MAN1A1: variants seen among roughly 807,000 people sequenced by gnomAD.
MAN1A1 encodes the protein mannosidase alpha class 1A member 1.
MAN1A1 carries 29 observed loss-of-function variants against 70.8 expected under a neutral mutation model. That is an observed-to-expected ratio of 0.41 (90% confidence interval 0.31 to 0.56). The LOEUF (loss-of-function observed/expected upper bound fraction) is 0.56. Among genes scored for constraint, MAN1A1 ranks in the 20% least tolerant of loss-of-function variants. MAN1A1 has a pLI of 0.29. For missense variants in MAN1A1, 747 were observed against 841.3 expected (o/e 0.89, Z 1.39); for synonymous variants, 349 against 330.1 (o/e 1.06, Z -0.62).
intron 8 of MAN1A1, among the ~76,000 whole-genome samples, chr6:119,197,139 T>C (rs982892876): frequency 5.3e-5 from 8 of 151,926 alleles, no homozygotes; most frequent in East Asian, 3.9e-4. Flanking sequence ...TGAAAACTCA[T>C]CTCTACTAAA....
At chr6:119,181,416 G>A (rs1773150417) in intron 11 of MAN1A1, among the ~76,000 whole-genome samples, 1 of 151,104 alleles carries the variant, frequency 6.6e-6, no homozygotes, top group Non-Finnish European at 1.5e-5. Flanking sequence ...AAGACAGTGA[G>A]AGACATGTGG....
upstream of MAN1A1, among the ~76,000 whole-genome samples, chr6:119,350,149 C>G (rs1413889459): frequency 1.3e-5 from 2 of 152,170 alleles, no homozygotes; most frequent in African/African-American, 4.8e-5. Flanking sequence ...CGCGGGACCT[C>G]TCTGCCTCCT....
At chr6:119,189,472 A>T (rs1040867378) in intron 10 of MAN1A1, among the ~76,000 whole-genome samples, 192 bp downstream of exon 10, 10 of 152,220 alleles carry the variant, frequency 6.6e-5, no homozygotes. Context: ...TTTCTTGGTA[A>T]ACTAAAGGTA....
At chr6:119,324,909 G>A (rs1473904121) in intron 2 of MAN1A1, among the ~76,000 whole-genome samples, 1 of 152,106 alleles carries the variant, frequency 6.6e-6, no homozygotes, top group Non-Finnish European at 1.5e-5. Flanking sequence ...TGGACGCAGA[G>A]TGGTGTCCCT....
At position 119,341,644 on chromosome 6, in the gene MAN1A1, T is replaced by C. The variant is rs148434291; in HGVS notation, c.603+6819A>G. 6.3e-3 allele frequency among the ~76,000 whole-genome samples: 962 copies of C among 152,320 alleles called. 6 individuals are homozygous for C. The highest frequency in any genetic ancestry group is 0.022 in the African/African-American group (911 of 41,550). On this transcript the variant is annotated intron_variant, in intron 2 of 12. Transcript: ENST00000368468. ...AAAATAAAACTGATTTATGCTAACTTTGACTACTAAGTGATGGACTGAGCT... is the reference window on the plus strand; with the variant it reads ...AAAATAAAACTGATTTATGCTAACTCTGACTACTAAGTGATGGACTGAGCT...
intron 2 of MAN1A1, among the ~76,000 whole-genome samples, chr6:119,315,388 A>T (rs1772820972): frequency 6.6e-6 from 1 of 152,252 alleles, no homozygotes; most frequent in Non-Finnish European, 1.5e-5. Flanking sequence ...CAGTTTTAAA[A>T]AATGAGAATT....
intron 6 of MAN1A1, among the ~76,000 whole-genome samples, chr6:119,235,051 T>C (rs1283764402): frequency 5.3e-5 from 8 of 152,188 alleles, no homozygotes; most frequent in Non-Finnish European, 7.3e-5. Flanking sequence ...CTTGTAAGCA[T>C]GTGTGTTCTG....
At chr6:119,187,970 T>C (rs1248607134) in intron 11 of MAN1A1, among the ~76,000 whole-genome samples, 1 of 152,366 alleles carries the variant, frequency 6.6e-6, no homozygotes, top group African/African-American at 2.4e-5. Context: ...AAGTGCTTTC[T>C]AAAAGTTAGA....
intron 6 of MAN1A1, among the ~76,000 whole-genome samples, chr6:119,243,265 A>G (rs1775061290): frequency 6.6e-6 from 1 of 152,014 alleles, no homozygotes; most frequent in African/African-American, 2.4e-5. Flanking sequence ...TTGTTTATTG[A>G]TATTTTCATA....
intron 5 of MAN1A1, among the ~76,000 whole-genome samples, chr6:119,266,090 C>T (rs1024419233): frequency 1.3e-5 from 2 of 151,880 alleles, no homozygotes; most frequent in African/African-American, 4.8e-5. Context: ...AAGAAAACTA[C>T]AAAATTCTGA....
chr6:119,321,768 C>T (rs567020268), intron 2 of MAN1A1, among the ~76,000 whole-genome samples: 9 of 152,122 alleles, frequency 5.9e-5, no homozygotes, highest in African/African-American at 2.2e-4. Context: ...CAGGCATGTA[C>T]CACCATGCCT....
intron 5 of MAN1A1, among the ~76,000 whole-genome samples, chr6:119,273,286 C>T (rs189744219): frequency 1.3e-3 from 192 of 152,170 alleles, no homozygotes; most frequent in African/African-American, 3.9e-3. Context: ...ACATACCAAC[C>T]GGAAGCAAAT....
At chr6:119,306,607 T>G (rs918037247) in intron 3 of MAN1A1, among the ~76,000 whole-genome samples, 1 of 152,164 alleles carries the variant, frequency 6.6e-6, no homozygotes, top group Non-Finnish European at 1.5e-5. Flanking sequence ...AGGCTAAAAT[T>G]TATGATACTG....
intron 4 of MAN1A1, among the ~76,000 whole-genome samples, chr6:119,299,200 TA>T (rs1161475826): frequency 1.3e-5 from 2 of 152,100 alleles, no homozygotes; most frequent in Admixed American, 6.5e-5. Context: ...TAGAATACAG[TA>T]AGCTGGAAAA....
chr6:119,321,617 A>ATT (rs386359347), intron 2 of MAN1A1, among the ~76,000 whole-genome samples: 48,662 of 133,166 alleles, frequency 0.37, 9,572 homozygotes, highest in Non-Finnish European at 0.41. Context: ...ATGGCCTGCA[A>ATT]TTTTTTTTTT....
At chr6:119,201,685 C>T (rs775983357) in intron 7 of MAN1A1, among the ~76,000 whole-genome samples, 1 of 152,148 alleles carries the variant, frequency 6.6e-6, no homozygotes, top group Non-Finnish European at 1.5e-5. Context: ...CTGGGAAACA[C>T]AGGCAATTTA....
At chr6:119,275,861 G>A (rs1036832721) in intron 5 of MAN1A1, among the ~76,000 whole-genome samples, 4 of 152,162 alleles carry the variant, frequency 2.6e-5, no homozygotes, top group African/African-American at 7.2e-5. Flanking sequence ...ATGTGGACAC[G>A]GTCATGTGCT....
intron 5 of MAN1A1, among the ~76,000 whole-genome samples, chr6:119,276,407 A>G (rs769523577): frequency 3.3e-5 from 5 of 152,252 alleles, no homozygotes; most frequent in African/African-American, 4.8e-5. Flanking sequence ...GGCATGGAAC[A>G]TAACAGATGC....
At position 119,268,171 on chromosome 6, in the gene MAN1A1, C is replaced by G. The variant is rs1380866748; in HGVS notation, c.898-19817G>C. Among the ~76,000 whole-genome samples, 4 of 152,264 alleles carry G rather than the reference C, an allele frequency of 2.6e-5. No individual in the cohort carries two copies. In the East Asian group the frequency reaches 7.7e-4, roughly 29 times the overall value. ...TTATCATTTCACTTTCATTTGTAAG[C>G]AGGTATAATTTTAAGAGAAACATTG... is the stretch of plus-strand genomic sequence containing the variant. On this transcript the variant is annotated intron_variant, in intron 5 of 12. Coordinates refer to ENST00000368468, the MANE Select transcript of MAN1A1 (RefSeq NM_005907.4).
Sources: gnomAD v4.1 joint callset for allele counts (sites outside exome capture counted in the v4.1 genomes callset) on GRCh38, gnomAD v4.1.1 for gene constraint, MANE v1.5 for transcripts, NCBI Gene and HGNC (gene_info 2026-07-23, HGNC 2026-07-21) for gene names.